Variants in NAALAD2 observed in about 807,000 individuals in gnomAD.
The protein encoded by NAALAD2 is N-acetylated alpha-linked acidic dipeptidase 2, also known as N-acetylated-alpha-linked acidic dipeptidase 2.
In NAALAD2, 89 loss-of-function variants were observed where a neutral mutation model predicts 95.6. That is an observed-to-expected ratio of 0.93 (90% confidence interval 0.78 to 1.11). The LOEUF (loss-of-function observed/expected upper bound fraction) is 1.11. Among genes scored for constraint, NAALAD2 ranks in the 50% least tolerant of loss-of-function variants. NAALAD2 has a pLI of 0.00. For synonymous variants in NAALAD2, 264 were observed against 294.4 expected (o/e 0.90, Z 1.06); for missense variants, 894 against 872.4 (o/e 1.02, Z -0.31).
chr11:90,158,549 A>G (rs1000125896), intron 7 of NAALAD2: 1 of 250,044 alleles, frequency 4.0e-6, no homozygotes, highest in East Asian at 1.3e-4. Flanking sequence ...TTAGATATTT[A>G]TATTCAACGT....
intron 4 of NAALAD2, 53 bp from the exon 5 acceptor site, chr11:90,150,420 ATTTTTTGTT>A: frequency 8.5e-7 from 1 of 1,172,696 alleles, no homozygotes; most frequent in Non-Finnish European, 1.2e-6. Flanking sequence ...AAGCAAACTT[ATTTTTTGTT>A]TTTTTTTTTC....
intron 18 of NAALAD2, among the ~76,000 whole-genome samples, chr11:90,184,287 G>A (rs1183681620): frequency 6.6e-6 from 1 of 152,010 alleles, no homozygotes; most frequent in East Asian, 1.9e-4. Flanking sequence ...CATACTTCAC[G>A]TGACCTGGAA....
chr11:90,191,664 G>A lies in NAALAD2; in HGVS notation c.2140G>A (p.Ala714Thr), dbSNP rs1857332389. The change falls in exon 19 of 19, where the codon GCC becomes ACC. Residue 714 changes from alanine (A) to threonine (T), a missense_variant. Coordinates refer to ENST00000534061, the MANE Select transcript of NAALAD2 (RefSeq NM_005467.4). ...DIENKANSRL[A>T]WKEVKKHISI... ...TGAAAATAAAGCCAACTCTCGTTTG[G>A]CCTGGAAAGAAGTAAAGAAACATAT... 6.2e-7 allele frequency: 1 copy of A among 1,603,248 alleles called. No individual in the cohort carries two copies. The highest frequency in any genetic ancestry group is 1.3e-5 in the African/African-American group (1 of 74,592).
chr11:90,190,962 T>C (rs1163455287), intron 18 of NAALAD2, among the ~76,000 whole-genome samples: 1 of 152,142 alleles, frequency 6.6e-6, no homozygotes, highest in Non-Finnish European at 1.5e-5. Flanking sequence ...GAGCTACTTA[T>C]GTTGAAGTAG....
At chr11:90,170,991 T>G (rs1054448891) in intron 13 of NAALAD2, among the ~76,000 whole-genome samples, 1 of 152,224 alleles carries the variant, frequency 6.6e-6, no homozygotes. Context: ...TTCATTGTTT[T>G]ATGTCAGTGT....
rs142582510 is a variant in NAALAD2, at chr11:90,189,748, C to T, written c.2034-1810C>T. Among the ~76,000 whole-genome samples, 165 of 149,538 alleles carry T rather than the reference C, an allele frequency of 1.1e-3. 1 individual carries two copies. In the East Asian group the frequency reaches 0.011, roughly 10 times the overall value. ...CATGCCACTGCACTCCAGCCTGGGCCGACAGAACGAGACTCTATCTCAAAA... is the reference window on the plus strand; with the variant it reads ...CATGCCACTGCACTCCAGCCTGGGCTGACAGAACGAGACTCTATCTCAAAA... On this transcript the variant is annotated intron_variant, in intron 18 of 18. Coordinates refer to ENST00000534061, the MANE Select transcript of NAALAD2 (RefSeq NM_005467.4).
intron 3 of NAALAD2, among the ~76,000 whole-genome samples, chr11:90,148,303 GA>G (rs1951799194): frequency 6.6e-6 from 1 of 152,166 alleles, no homozygotes; most frequent in African/African-American, 2.4e-5. Context: ...ATGGATTTCA[GA>G]AATAGTAAGG....
At position 90,182,114 on chromosome 11, in the gene NAALAD2, T is replaced by G. The variant is rs551128740; in HGVS notation, c.1940+413T>G. Among the ~76,000 whole-genome samples the G allele has an allele frequency of 1.8e-4, 27 of 152,182 alleles. No homozygotes were observed. The South Asian group carries it at 5.2e-3, about 29-fold the overall frequency. The stretch of plus-strand genomic sequence containing the variant: ...GAGTTTAAGTGCGTTTGTAATATAT[T>G]TTACTAGTTCTTTGTTCAGTACTCC... On this transcript the variant is annotated intron_variant, in intron 17 of 18. Transcript: ENST00000534061.
chr11:90,170,163 G>A, intron 13 of NAALAD2, 27 bp downstream of exon 13: 1 of 1,351,316 alleles, frequency 7.4e-7, no homozygotes. Flanking sequence ...GTCTTCATAT[G>A]TTCTCTTTTG....
chr11:90,147,322 C>G lies in NAALAD2; in HGVS notation c.195-8C>G. 1 of 1,608,770 alleles carries G rather than the reference C, an allele frequency of 6.2e-7. No individual in the cohort carries two copies. On this transcript the variant is annotated splice_region_variant and splice_polypyrimidine_tract_variant and intron_variant, in intron 2 of 18. Coordinates refer to ENST00000534061, the MANE Select transcript of NAALAD2 (RefSeq NM_005467.4). Reference sequence around the variant, plus strand: ...TTAATGCCCTCTTATGTTTTATTTTCATTTTAGTTCTTTTACAAAGCTTCC... The same window carrying G: ...TTAATGCCCTCTTATGTTTTATTTTGATTTTAGTTCTTTTACAAAGCTTCC...
chr11:90,168,929 G>C lies in NAALAD2; in HGVS notation c.1279G>C (p.Glu427Gln), dbSNP rs760545202. The part of the protein sequence containing the change: ...GLLGSTEWAE[E>Q]NVKILQERSI... ...AGTAACAACTTTGCTTCAACTACAG[G>C]AGAATGTCAAAATACTCCAGGAGAG... Residue 427 changes from glutamate to glutamine, a missense_variant and splice_region_variant, in exon 12 of 19, where the codon GAG becomes CAG. Physicochemically the swap from Glu to Gln is conservative, Grantham distance 29 (BLOSUM62 2). Coordinates refer to ENST00000534061, the MANE Select transcript of NAALAD2 (RefSeq NM_005467.4). The C allele has an allele frequency of 6.2e-7, 1 of 1,605,386 alleles. No individual in the cohort carries two copies. The highest frequency in any genetic ancestry group is 2.2e-5 in the East Asian group (1 of 44,462).
upstream of NAALAD2, among the ~76,000 whole-genome samples, chr11:90,133,837 T>TTTG (rs1565503128): frequency 6.6e-6 from 1 of 152,014 alleles, no homozygotes; most frequent in Non-Finnish European, 1.5e-5. Flanking sequence ...CTCTTTTTTT[T>TTTG]TTTGTTTGTT....
At position 90,135,683 on chromosome 11, in the gene NAALAD2, T is replaced by G. The variant is rs763898240; in HGVS notation, c.194+13T>G. 6.3e-6 allele frequency: 10 copies of G among 1,593,264 alleles called. No homozygotes were observed. The South Asian group carries it at 1.1e-4, about 18-fold the overall frequency. ...AATCATTTCTTCGGTAAGTTTATTT[T>G]ACGTATTTGATCTTAAAAATCATGT... On this transcript the variant is annotated intron_variant, in intron 2 of 18. Transcript: ENST00000534061.
At chr11:90,144,114 A>G (rs1951689237) in intron 2 of NAALAD2, among the ~76,000 whole-genome samples, 1 of 152,180 alleles carries the variant, frequency 6.6e-6, no homozygotes, top group South Asian at 2.1e-4. Context: ...TTGAAGAGAG[A>G]TACACATACA....
intron 6 of NAALAD2, among the ~76,000 whole-genome samples, chr11:90,155,373 T>TA (rs1388548863): frequency 1.3e-5 from 1 of 78,614 alleles, no homozygotes; most frequent in South Asian, 3.5e-4. Context: ...ATATGTAATA[T>TA]TACATATTAT....
rs147836623 is a variant in NAALAD2, at chr11:90,137,891, C to T, written c.194+2221C>T. On this transcript the variant is annotated intron_variant, in intron 2 of 18. Transcript: ENST00000534061. Reference sequence around the variant, plus strand: ...CTCATGAGCTCAAGTGACATACCCACCTCACCCTCCCACAGTGCTAGGATT... The same window carrying T: ...CTCATGAGCTCAAGTGACATACCCATCTCACCCTCCCACAGTGCTAGGATT... Among the ~76,000 whole-genome samples, 913 of 152,098 alleles carry T rather than the reference C, an allele frequency of 6.0e-3. 2 individuals carry two copies. Among genetic ancestry groups the T allele is most frequent in the Middle Eastern group, 0.037 (11 of 294 alleles).
At chr11:90,142,619 A>G (rs1951647680) in intron 2 of NAALAD2, among the ~76,000 whole-genome samples, 1 of 152,170 alleles carries the variant, frequency 6.6e-6, no homozygotes, top group Non-Finnish European at 1.5e-5. Flanking sequence ...TAATTTAAGT[A>G]TGCCCTCTGT....
At chr11:90,157,640 C>T (rs1952154891) in intron 6 of NAALAD2, among the ~76,000 whole-genome samples, 1 of 151,822 alleles carries the variant, frequency 6.6e-6, no homozygotes, top group Admixed American at 6.6e-5. Context: ...GGAAAACTGC[C>T]ATCTCTATAA....
intron 2 of NAALAD2, among the ~76,000 whole-genome samples, chr11:90,143,789 T>G (rs1279478482): frequency 6.6e-6 from 1 of 152,188 alleles, no homozygotes; most frequent in Non-Finnish European, 1.5e-5. Context: ...ATCAGGGTAT[T>G]AAATGCATTT....
Sources: allele counts gnomAD v4.1 joint callset (sites outside exome capture counted in the v4.1 genomes callset), GRCh38; gene constraint gnomAD v4.1.1; transcripts MANE v1.5; gene names NCBI Gene and HGNC (gene_info 2026-07-23, HGNC 2026-07-21).